The following FAAH2 variants were observed in gnomAD, a reference collection of about 807,000 sequenced individuals.
FAAH2 encodes the protein fatty acid amide hydrolase 2.
Under a neutral mutation model 36.9 loss-of-function variants are expected in FAAH2, and 60 were observed. The observed-to-expected ratio is 1.63, with a 90% CI of 1.32 to 2.02. The LOEUF (loss-of-function observed/expected upper bound fraction) is 2.02, where lower values mean the gene tolerates loss of function less well. Among genes scored for constraint, FAAH2 ranks in the 30% most tolerant of loss-of-function variants. The probability of loss-of-function intolerance (pLI) is 0.00; values close to 1 mark genes in which losing one functional copy is unlikely to be tolerated. For synonymous variants in FAAH2, 214 were observed against 143.8 expected (o/e 1.49, Z -3.49); for missense variants, 689 against 397.5 (o/e 1.73, Z -6.23).
chrX:57,301,635 AT>A lies in FAAH2; in HGVS notation c.276-8957del, dbSNP rs2052375244. On this transcript the variant is annotated intron_variant, in intron 2 of 10. Coordinates refer to ENST00000374900, the MANE Select transcript of FAAH2 (RefSeq NM_174912.4). ...AATAATAATAATAATAATAATAATA[AT>A]AATAATAAAAGAAATATCTTCACAT... Among the ~76,000 whole-genome samples, 10 of 103,762 alleles carry A rather than the reference AT, an allele frequency of 9.6e-5. No individual in the cohort carries two copies. The South Asian group carries it at 3.8e-3, about 40-fold the overall frequency. The allele number at this position is 103,762 out of a possible 115,157, so 90.1% of individuals were successfully genotyped here.
the FAAH2 span, among the ~76,000 whole-genome samples, chrX:57,152,751 G>A: frequency 5.0e-4 from 56 of 111,406 alleles, no homozygotes; most frequent in East Asian, 3.4e-3. Context: ...GCTTTAGCTC[G>A]TGCCCGGTGT....
chrX:57,482,022 G>A (rs2057389149), intron 10 of FAAH2, among the ~76,000 whole-genome samples: 1 of 111,668 alleles, frequency 9.0e-6, no homozygotes, highest in African/African-American at 3.3e-5. Flanking sequence ...AGACCTCCCA[G>A]CCTCCTCAGT....
chrX:57,216,637 CGT>C, the FAAH2 span, among the ~76,000 whole-genome samples: 1 of 75,099 alleles, frequency 1.3e-5, no homozygotes, highest in African/African-American at 4.5e-5. Context: ...TATATATATA[CGT>C]ATATATATAT....
chrX:57,471,457 T>A (rs1254181302), intron 10 of FAAH2, among the ~76,000 whole-genome samples: 1 of 106,116 alleles, frequency 9.4e-6, no homozygotes, highest in Non-Finnish European at 2.0e-5. Context: ...CCATAACAGA[T>A]AGAGAACCAA....
the FAAH2 span, among the ~76,000 whole-genome samples, chrX:57,184,855 G>A: frequency 8.9e-6 from 1 of 111,816 alleles, no homozygotes. Flanking sequence ...TTCCCCTACA[G>A]AAAGAATATC....
At chrX:57,364,394 A>G (rs1355332846) in intron 5 of FAAH2, among the ~76,000 whole-genome samples, 1 of 102,714 alleles carries the variant, frequency 9.7e-6, no homozygotes, top group African/African-American at 3.5e-5. Flanking sequence ...GTGTGGTCAC[A>G]TGCAACATAA....
intron 10 of FAAH2, among the ~76,000 whole-genome samples, chrX:57,479,906 G>A (rs1262208128): frequency 2.7e-5 from 3 of 111,200 alleles, no homozygotes; most frequent in East Asian, 2.8e-4. Flanking sequence ...TCAAATAGAC[G>A]CAATAAAAAA....
intron 5 of FAAH2, among the ~76,000 whole-genome samples, chrX:57,343,536 T>C (rs2053743732): frequency 9.0e-6 from 1 of 111,685 alleles, no homozygotes; most frequent in Admixed American, 9.5e-5. Flanking sequence ...GTTGGATGCA[T>C]GGTTTCTGAA....
chrX:57,476,145 G>C (rs185466598), intron 10 of FAAH2, among the ~76,000 whole-genome samples: 1 of 111,547 alleles, frequency 9.0e-6, no homozygotes, highest in African/African-American at 3.3e-5. Flanking sequence ...TCTGCAAACA[G>C]AGACAATTTG....
chrX:57,400,607 AC>A (rs2055408809), intron 7 of FAAH2, among the ~76,000 whole-genome samples: 1 of 112,097 alleles, frequency 8.9e-6, no homozygotes, highest in Non-Finnish European at 1.9e-5. Flanking sequence ...ATTTCACTGT[AC>A]CTGGGAATCC....
At chrX:57,290,227 A>G in intron 1 of FAAH2, 1 of 727,926 alleles carries the variant, frequency 1.4e-6, no homozygotes, top group Non-Finnish European at 1.6e-6. Flanking sequence ...CACGTGCTGC[A>G]TGCTACAAAC....
At chrX:57,417,932 T>A (rs772592826) in intron 7 of FAAH2, among the ~76,000 whole-genome samples, 1 of 111,584 alleles carries the variant, frequency 9.0e-6, no homozygotes, top group South Asian at 3.8e-4. Context: ...CCCTTCCAAG[T>A]GAGGAGGAAT....
chrX:57,431,018 T>C (rs764516335), intron 7 of FAAH2, among the ~76,000 whole-genome samples: 1 of 111,879 alleles, frequency 8.9e-6, no homozygotes, highest in East Asian at 2.8e-4. Flanking sequence ...TTGGTCTATG[T>C]GTTTCTAAAC....
chrX:57,295,595 GC>G (rs1380922472), intron 2 of FAAH2, among the ~76,000 whole-genome samples: 1 of 111,898 alleles, frequency 8.9e-6, no homozygotes, highest in African/African-American at 3.2e-5. Flanking sequence ...ACTGGGGAGT[GC>G]TGGACAGTGG....
chrX:57,232,548 A>C, the FAAH2 span, among the ~76,000 whole-genome samples: 114 of 112,420 alleles, frequency 1.0e-3, no homozygotes, highest in Non-Finnish European at 1.6e-3. Flanking sequence ...AGGAGACTAC[A>C]TGCACAGTTC....
intron 5 of FAAH2, among the ~76,000 whole-genome samples, chrX:57,353,301 C>A (rs1423840250): frequency 1.8e-5 from 2 of 109,073 alleles, no homozygotes; most frequent in Admixed American, 9.8e-5. Flanking sequence ...CACATAAATA[C>A]AGCCAAGTGA....
chrX:57,266,289 A>G, the FAAH2 span, among the ~76,000 whole-genome samples: 12 of 111,841 alleles, frequency 1.1e-4, no homozygotes, highest in African/African-American at 3.9e-4. Context: ...TGGCAGCCTT[A>G]ACTGGTGATA....
At chrX:57,361,500 T>C (rs1258359631) in intron 5 of FAAH2, among the ~76,000 whole-genome samples, 4 of 111,512 alleles carry the variant, frequency 3.6e-5, no homozygotes, top group African/African-American at 1.3e-4. Context: ...TTTATTTTTC[T>C]GTCAAGAAAT....
intron 10 of FAAH2, among the ~76,000 whole-genome samples, chrX:57,474,144 T>C (rs1346156147): frequency 8.9e-6 from 1 of 112,112 alleles, no homozygotes; most frequent in Non-Finnish European, 1.9e-5. Flanking sequence ...CCATTTGTTT[T>C]CATGTTTACA....
Sources: allele counts gnomAD v4.1 joint callset (sites outside exome capture counted in the v4.1 genomes callset), GRCh38; gene constraint gnomAD v4.1.1; transcripts MANE v1.5; gene names NCBI Gene and HGNC (gene_info 2026-07-23, HGNC 2026-07-21).